CALD1: variants seen among roughly 807,000 people sequenced by gnomAD.
CALD1 encodes the protein caldesmon.
A neutral mutation model predicts 99.9 loss-of-function variants in CALD1; 33 were observed. The ratio of observed to expected loss-of-function variants is 0.33; its 90% confidence interval spans 0.25 to 0.44. CALD1 has a LOEUF of 0.44. Ranked by LOEUF, CALD1 falls within the 20% of genes least tolerant of loss-of-function variation. The pLI is 1.00. For missense variants in CALD1, 861 were observed against 962.1 expected (o/e 0.89, Z 1.39); for synonymous variants, 310 against 325.0 (o/e 0.95, Z 0.50).
chr7:134,963,711 C>T (rs775189792), intron 13 of CALD1, among the ~76,000 whole-genome samples: 7 of 152,100 alleles, frequency 4.6e-5, no homozygotes, highest in African/African-American at 9.7e-5. Context: ...TAACTGTTAT[C>T]GATCATATTT....
intron 1 of CALD1, among the ~76,000 whole-genome samples, chr7:134,769,751 C>T (rs978169566): frequency 5.3e-5 from 8 of 152,112 alleles, no homozygotes; most frequent in Non-Finnish European, 1.2e-4. Context: ...AATTCTCCTG[C>T]CTCAACCTCT....
intron 1 of CALD1, among the ~76,000 whole-genome samples, chr7:134,819,907 C>CAAAA (rs1425221391): frequency 6.8e-6 from 1 of 146,102 alleles, no homozygotes; most frequent in Non-Finnish European, 1.5e-5. Context: ...AACAAACAAA[C>CAAAA]AAAACCCTGG....
chr7:134,899,955 G>T (rs139012215), intron 3 of CALD1: 2 of 152,284 alleles, frequency 1.3e-5, no homozygotes, highest in Non-Finnish European at 2.9e-5. Flanking sequence ...TCTGTTTGCT[G>T]ATCTGTTTTA....
At chr7:134,813,914 A>T (rs970751571) in intron 1 of CALD1, among the ~76,000 whole-genome samples, 3 of 152,204 alleles carry the variant, frequency 2.0e-5, no homozygotes, top group African/African-American at 4.8e-5. Context: ...TGGCTGAGGC[A>T]TGTGGGAACA....
intron 1 of CALD1, among the ~76,000 whole-genome samples, chr7:134,760,745 G>A (rs1008482937): frequency 6.6e-6 from 1 of 152,126 alleles, no homozygotes; most frequent in African/African-American, 2.4e-5. Context: ...AGAATAGGAT[G>A]GTCGCCTACA....
intron 3 of CALD1, among the ~76,000 whole-genome samples, chr7:134,922,531 T>C (rs1007158281): frequency 2.6e-5 from 4 of 152,170 alleles, no homozygotes; most frequent in Admixed American, 6.5e-5. Context: ...ACCTATACTA[T>C]AGTTGAGATG....
intron 13 of CALD1, 159 bp from the exon 14 acceptor site, chr7:134,965,147 A>G: frequency 1.7e-6 from 1 of 593,194 alleles, no homozygotes; most frequent in Non-Finnish European, 3.1e-6. Context: ...AAATCAAACA[A>G]CAGCTGATGG....
intron 14 of CALD1, among the ~76,000 whole-genome samples, chr7:134,967,912 G>A (rs1188093705): frequency 6.6e-6 from 1 of 152,194 alleles, no homozygotes; most frequent in South Asian, 2.1e-4. Flanking sequence ...GGGAGGCCGA[G>A]GCAGGCAGAT....
At chr7:134,913,935 T>C (rs968264583) in intron 3 of CALD1, among the ~76,000 whole-genome samples, 1 of 152,190 alleles carries the variant, frequency 6.6e-6, no homozygotes, top group Admixed American at 6.5e-5. Flanking sequence ...AAGCTTCCTA[T>C]TGTAGAAAGA....
chr7:134,959,237 A>G (rs1808064209), intron 11 of CALD1, among the ~76,000 whole-genome samples: 1 of 151,612 alleles, frequency 6.6e-6, no homozygotes, highest in Non-Finnish European at 1.5e-5. Flanking sequence ...CTAGAGTGCA[A>G]TGGTGCAATC....
intron 1 of CALD1, among the ~76,000 whole-genome samples, chr7:134,757,644 G>A (rs1796740905): frequency 6.6e-6 from 1 of 152,090 alleles, no homozygotes; most frequent in Non-Finnish European, 1.5e-5. Context: ...ACTTTGGGAG[G>A]CCGAGGTGAG....
chr7:134,885,431 C>A lies in CALD1; in HGVS notation c.71+17627C>A, dbSNP rs189301410. Reference sequence around the variant, plus strand: ...GCTTTCATCCAGGTCTGACCACCCCCCAAAAAGAAGGAAATCAATATTTTT... The same window carrying A: ...GCTTTCATCCAGGTCTGACCACCCCACAAAAAGAAGGAAATCAATATTTTT... On this transcript the variant is annotated intron_variant, in intron 3 of 14. Transcript: ENST00000361675. Among the ~76,000 whole-genome samples the A allele has an allele frequency of 1.6e-4, 24 of 152,174 alleles. No homozygotes were observed. The East Asian group carries it at 3.9e-3, about 24-fold the overall frequency.
At chr7:134,834,173 C>T (rs1460034553) in intron 1 of CALD1, among the ~76,000 whole-genome samples, 1 of 152,198 alleles carries the variant, frequency 6.6e-6, no homozygotes, top group East Asian at 1.9e-4. Context: ...GATGGAAGAT[C>T]TATTTTGATG....
At chr7:134,961,624 TTTAA>T (rs1169385212) in intron 13 of CALD1, 1 of 152,056 alleles carries the variant, frequency 6.6e-6, no homozygotes, top group African/African-American at 2.4e-5. Flanking sequence ...CCTTGAACCG[TTTAA>T]TTAATCTACA....
intron 1 of CALD1, among the ~76,000 whole-genome samples, chr7:134,752,145 G>A (rs1796690413): frequency 6.6e-6 from 1 of 152,180 alleles, no homozygotes; most frequent in Non-Finnish European, 1.5e-5. Flanking sequence ...TCAGGAAGAT[G>A]AGACCTCAGA....
At chr7:134,774,794 G>C (rs886118632), upstream of CALD1, among the ~76,000 whole-genome samples, 1 of 152,118 alleles carries the variant, frequency 6.6e-6, no homozygotes, top group African/African-American at 2.4e-5. Context: ...ATTTTCCATA[G>C]TCCAAAATTT....
intron 1 of CALD1, among the ~76,000 whole-genome samples, chr7:134,831,532 G>A (rs1212870265): frequency 6.6e-6 from 1 of 152,096 alleles, no homozygotes; most frequent in African/African-American, 2.4e-5. Flanking sequence ...TCTTGGCCAG[G>A]CTGGTCTTGA....
At chr7:134,846,022 C>CT (rs1391408327) in intron 2 of CALD1, among the ~76,000 whole-genome samples, 6 of 152,212 alleles carry the variant, frequency 3.9e-5, no homozygotes, top group Non-Finnish European at 2.9e-5. Context: ...TTCTAGCTAA[C>CT]TCCACCTATG....
chr7:134,781,072 T>C lies in CALD1; in HGVS notation c.-130+1323T>C, dbSNP rs1034445502. 6.6e-5 allele frequency among the ~76,000 whole-genome samples: 10 copies of C among 152,340 alleles called. No individual in the cohort carries two copies. In the East Asian group the frequency reaches 1.9e-3, roughly 29 times the overall value. On this transcript the variant is annotated intron_variant, in intron 1 of 14. Transcript: ENST00000361675. ...TATTTCTCCTTCTAGAAGTGATATA[T>C]GAGAACAGAATTCCTTGTGAATTTC... is the stretch of plus-strand genomic sequence containing the variant.
Sources: allele counts gnomAD v4.1 joint callset (sites outside exome capture counted in the v4.1 genomes callset), GRCh38; gene constraint gnomAD v4.1.1; transcripts MANE v1.5; gene names NCBI Gene and HGNC (gene_info 2026-07-23, HGNC 2026-07-21).